The following LAMA2 variants were observed in gnomAD, a reference collection of about 807,000 sequenced individuals.
LAMA2 encodes the protein laminin subunit alpha-2.
In LAMA2, 269 loss-of-function variants were observed where a neutral mutation model predicts 364.8. The observed-to-expected ratio is 0.74, with a 90% CI of 0.67 to 0.82. The LOEUF (loss-of-function observed/expected upper bound fraction) is 0.82, where lower values mean the gene tolerates loss of function less well. Among genes scored for constraint, LAMA2 ranks in the 40% least tolerant of loss-of-function variants. LAMA2 has a pLI of 0.00. For synonymous variants in LAMA2, 1,379 were observed against 1,370.6 expected (o/e 1.01, Z -0.14); for missense variants, 3,807 against 3,873.2 (o/e 0.98, Z 0.45).
intron 1 of LAMA2, among the ~76,000 whole-genome samples, chr6:128,920,538 ATTGGCTCTATTCTTCCCCTAATCAAAC>A (rs1778634564): frequency 6.6e-6 from 1 of 151,874 alleles, no homozygotes; most frequent in Non-Finnish European, 1.5e-5. Context: ...CTGTACCCAT[ATTGGCTCTATTCTTCCCCTAATCAAAC>A]CCTTTTCCCA....
At chr6:129,475,257 T>C in intron 52 of LAMA2, 133 bp from the exon 53 acceptor site, 1 of 597,406 alleles carries the variant, frequency 1.7e-6, no homozygotes, top group Non-Finnish European at 2.9e-6. Flanking sequence ...TTGCATTTCT[T>C]TCCTTTGTAG....
intron 1 of LAMA2, among the ~76,000 whole-genome samples, chr6:128,913,925 A>G (rs1778141067): frequency 6.6e-6 from 1 of 152,264 alleles, no homozygotes; most frequent in South Asian, 2.1e-4. Context: ...TGTAGGTGCC[A>G]TTAAATTCAG....
At chr6:129,016,374 A>G (rs1260773986) in intron 1 of LAMA2, among the ~76,000 whole-genome samples, 1 of 152,088 alleles carries the variant, frequency 6.6e-6, no homozygotes, top group Non-Finnish European at 1.5e-5. Flanking sequence ...GTACAAAGAC[A>G]TATTCAAGAA....
chr6:128,941,184 C>T (rs1582730721), intron 1 of LAMA2, among the ~76,000 whole-genome samples: 1 of 152,188 alleles, frequency 6.6e-6, no homozygotes, highest in East Asian at 1.9e-4. Flanking sequence ...TGGAGCAAGT[C>T]AATGGAAAGC....
intron 28 of LAMA2, 31 bp from the exon 29 acceptor site, chr6:129,328,247 T>C: frequency 6.3e-7 from 1 of 1,593,978 alleles, no homozygotes; most frequent in Non-Finnish European, 8.6e-7. Context: ...TTTCTAACTT[T>C]GCTGTCCTAA....
chr6:129,365,661 C>A (rs1777726931), intron 32 of LAMA2, among the ~76,000 whole-genome samples: 1 of 146,206 alleles, frequency 6.8e-6, no homozygotes, highest in African/African-American at 2.4e-5. Flanking sequence ...CCACACCCGG[C>A]CTTCTTTAGA....
intron 34 of LAMA2, among the ~76,000 whole-genome samples, chr6:129,374,491 T>A (rs531708029): frequency 3.3e-5 from 5 of 152,274 alleles, no homozygotes; most frequent in Non-Finnish European, 5.9e-5. Flanking sequence ...CCCCAGATTA[T>A]ACTGATAAAG....
chr6:129,511,203 C>T (rs1351369978), intron 62 of LAMA2, among the ~76,000 whole-genome samples: 3 of 152,116 alleles, frequency 2.0e-5, no homozygotes, highest in African/African-American at 7.2e-5. Flanking sequence ...ACATACAATT[C>T]ATCTTAACCT....
At chr6:129,237,037 T>A (rs1785042678) in intron 12 of LAMA2, among the ~76,000 whole-genome samples, 2 of 152,188 alleles carry the variant, frequency 1.3e-5, no homozygotes, top group South Asian at 4.1e-4. Context: ...CCTGCCATCT[T>A]TGTAACCTTG....
intron 1 of LAMA2, among the ~76,000 whole-genome samples, chr6:128,967,213 C>T (rs973918127): frequency 3.3e-5 from 5 of 152,080 alleles, no homozygotes; most frequent in Non-Finnish European, 7.4e-5. Context: ...TGTTCAACTG[C>T]TAATGGTCAA....
At chr6:129,080,424 T>G (rs934059986) in intron 3 of LAMA2, among the ~76,000 whole-genome samples, 30 of 151,734 alleles carry the variant, frequency 2.0e-4, no homozygotes, top group African/African-American at 6.3e-4. Flanking sequence ...AATTTAAAAC[T>G]CTAAAAAGTG....
At chr6:129,433,425 A>G (rs1350562314) in intron 41 of LAMA2, among the ~76,000 whole-genome samples, 1 of 152,162 alleles carries the variant, frequency 6.6e-6, no homozygotes, top group Non-Finnish European at 1.5e-5. Flanking sequence ...CTTAGGGGAC[A>G]GGGTCTTTAG....
At chr6:129,240,621 A>T (rs1785334465) in intron 12 of LAMA2, among the ~76,000 whole-genome samples, 1 of 152,174 alleles carries the variant, frequency 6.6e-6, no homozygotes, top group South Asian at 2.1e-4. Context: ...TGGTGGTGTC[A>T]TGAATTGATC....
chr6:129,493,631 A>G (rs954973845), intron 58 of LAMA2, among the ~76,000 whole-genome samples: 21 of 152,254 alleles, frequency 1.4e-4, no homozygotes, highest in African/African-American at 5.1e-4. Context: ...ACTATGTAGT[A>G]ATGATAATAA....
chr6:129,364,092 G>A (rs527467426), intron 32 of LAMA2, among the ~76,000 whole-genome samples: 2 of 152,220 alleles, frequency 1.3e-5, no homozygotes, highest in East Asian at 1.9e-4. Context: ...TGCAGGTGAC[G>A]CTCTACAGTT....
In LAMA2 at chr6:129,392,043, G is replaced by A. The variant is rs940822086; in HGVS notation, c.5234+390G>A. ...TTTTGTTTTAATAAAAATACCTTTGGATAAACAAAGTTATGACTTTACCAT... is the reference window on the plus strand; with the variant it reads ...TTTTGTTTTAATAAAAATACCTTTGAATAAACAAAGTTATGACTTTACCAT... On this transcript the variant is annotated intron_variant, in intron 36 of 64. Transcript: ENST00000421865. 3.3e-5 allele frequency among the ~76,000 whole-genome samples: 5 copies of A among 152,060 alleles called. No homozygotes were observed. The South Asian group carries it at 8.3e-4, about 25-fold the overall frequency.
rs370436493 is a variant in LAMA2 at position 129,499,682 on chromosome 6, G to A, written c.8245-2977G>A. On this transcript the variant is annotated intron_variant, in intron 58 of 64. Transcript: ENST00000421865. ...AAGGAAGAGAAGAGGAAGCAACACCGGGCAAAGCAATAAACTGGTGCTGCC... is the reference window on the plus strand; with the variant it reads ...AAGGAAGAGAAGAGGAAGCAACACCAGGCAAAGCAATAAACTGGTGCTGCC... 2.0e-4 allele frequency among the ~76,000 whole-genome samples: 30 copies of A among 152,180 alleles called. No individual in the cohort carries two copies. The South Asian group carries it at 5.8e-3, about 29-fold the overall frequency.
chr6:129,012,581 C>G (rs1784830891), intron 1 of LAMA2, among the ~76,000 whole-genome samples: 1 of 152,018 alleles, frequency 6.6e-6, no homozygotes. Context: ...TAGGTTTTAC[C>G]TAAGTCTCAT....
chr6:129,147,071 T>TA (rs758824138), intron 6 of LAMA2, 23 bp downstream of exon 6: 2 of 1,451,906 alleles, frequency 1.4e-6, no homozygotes, highest in Admixed American at 3.4e-5. Flanking sequence ...ATAGGATGCT[T>TA]AGGCAAAATG....
Sources: allele counts gnomAD v4.1 joint callset (sites outside exome capture counted in the v4.1 genomes callset), GRCh38; gene constraint gnomAD v4.1.1; transcripts MANE v1.5; gene names NCBI Gene and HGNC (gene_info 2026-07-23, HGNC 2026-07-21).